Variants in FBXL7 observed in about 807,000 individuals in gnomAD.
The protein encoded by FBXL7 is F-box/LRR-repeat protein 7.
Under a neutral mutation model 38.3 loss-of-function variants are expected in FBXL7, and 12 were observed. The observed-to-expected ratio is 0.31, with a 90% CI of 0.20 to 0.51. The LOEUF (loss-of-function observed/expected upper bound fraction) is 0.51. Among genes scored for constraint, FBXL7 ranks in the 20% least tolerant of loss-of-function variants. The pLI, the probability that FBXL7 is intolerant of heterozygous loss-of-function variation, is 0.98. For missense variants in FBXL7, 567 were observed against 676.4 expected (o/e 0.84, Z 1.79); for synonymous variants, 297 against 300.9 (o/e 0.99, Z 0.13).
chr5:15,569,950 A>G (rs1738718658), intron 1 of FBXL7, among the ~76,000 whole-genome samples: 1 of 152,152 alleles, frequency 6.6e-6, no homozygotes, highest in Admixed American at 6.5e-5. Context: ...CCACTTGATC[A>G]TGGTGGATAA....
intron 2 of FBXL7, among the ~76,000 whole-genome samples, chr5:15,731,882 C>A (rs1735593822): frequency 6.6e-6 from 1 of 152,166 alleles, no homozygotes; most frequent in African/African-American, 2.4e-5. Flanking sequence ...GTTCCTTGGA[C>A]TACATGGATC....
intron 2 of FBXL7, among the ~76,000 whole-genome samples, chr5:15,696,403 T>G (rs2126628420): frequency 6.6e-6 from 1 of 152,332 alleles, no homozygotes; most frequent in South Asian, 2.1e-4. Flanking sequence ...TCTAGACATA[T>G]CCTAGGATTT....
At chr5:15,925,421 T>C (rs1741855603) in intron 2 of FBXL7, among the ~76,000 whole-genome samples, 1 of 152,186 alleles carries the variant, frequency 6.6e-6, no homozygotes, top group Non-Finnish European at 1.5e-5. Flanking sequence ...ACAGCGTGGA[T>C]GCACATAAGC....
intron 2 of FBXL7, among the ~76,000 whole-genome samples, chr5:15,783,497 TGAG>T (rs1737053478): frequency 6.6e-6 from 1 of 151,908 alleles, no homozygotes; most frequent in South Asian, 2.1e-4. Flanking sequence ...ATGACAGCAA[TGAG>T]GAGGAGAGAG....
chr5:15,770,509 C>A (rs1016136266), intron 2 of FBXL7, among the ~76,000 whole-genome samples: 1 of 152,060 alleles, frequency 6.6e-6, no homozygotes, highest in Admixed American at 6.6e-5. Context: ...AGGCAGAGCC[C>A]AAGAAAGCTG....
chr5:15,898,262 T>A (rs941999340), intron 2 of FBXL7, among the ~76,000 whole-genome samples: 1 of 152,170 alleles, frequency 6.6e-6, no homozygotes, highest in Admixed American at 6.5e-5. Flanking sequence ...AGCTACTCAT[T>A]TCTGGTGGGA....
At chr5:15,618,786 A>AG (rs1740532011) in intron 2 of FBXL7, among the ~76,000 whole-genome samples, 1 of 152,178 alleles carries the variant, frequency 6.6e-6, no homozygotes, top group South Asian at 2.1e-4. Context: ...AGTTACCCCA[A>AG]ATTACCAGCG....
In FBXL7 at chr5:15,741,128, A is replaced by T. The variant is rs543207063; in HGVS notation, c.127+125056A>T. On this transcript the variant is annotated intron_variant, in intron 2 of 3. Transcript: ENST00000504595. The stretch of plus-strand genomic sequence containing the variant: ...GCACAAGGCTAAAGGTGATTTTATT[A>T]AAATTCATTATAGAAAATCTTTATA... Among the ~76,000 whole-genome samples, 4 of 152,328 alleles carry T rather than the reference A, an allele frequency of 2.6e-5. No homozygotes were observed. The South Asian group carries it at 8.3e-4, about 32-fold the overall frequency.
chr5:15,510,148 G>T (rs994480699), intron 1 of FBXL7, among the ~76,000 whole-genome samples: 2 of 152,202 alleles, frequency 1.3e-5, no homozygotes, highest in African/African-American at 4.8e-5. Context: ...TGTTAGCACT[G>T]CGTGAACTCA....
At chr5:15,604,846 C>G (rs2126499750) in intron 1 of FBXL7, among the ~76,000 whole-genome samples, 1 of 152,144 alleles carries the variant, frequency 6.6e-6, no homozygotes, top group East Asian at 1.9e-4. Flanking sequence ...TCTGGCCTTT[C>G]CCACAGAGAA....
chr5:15,615,618 A>C (rs114759690), intron 1 of FBXL7, among the ~76,000 whole-genome samples: 1,818 of 152,330 alleles, frequency 0.012, 44 homozygotes, highest in African/African-American at 0.042. Flanking sequence ...TTACTGAGAA[A>C]TGCATAATTT....
At chr5:15,677,037 A>T (rs1742679292) in intron 2 of FBXL7, among the ~76,000 whole-genome samples, 1 of 152,236 alleles carries the variant, frequency 6.6e-6, no homozygotes, top group African/African-American at 2.4e-5. Context: ...TGGAAATACA[A>T]ACAAACCTCT....
At chr5:15,688,551 C>T (rs147224442) in intron 2 of FBXL7, among the ~76,000 whole-genome samples, 1 of 152,274 alleles carries the variant, frequency 6.6e-6, no homozygotes, top group East Asian at 1.9e-4. Context: ...GTAACTCAAA[C>T]CATGCTCTTG....
chr5:15,914,649 A>G (rs1354235025), intron 2 of FBXL7, among the ~76,000 whole-genome samples: 1 of 152,232 alleles, frequency 6.6e-6, no homozygotes, highest in Non-Finnish European at 1.5e-5. Context: ...TTGATAAATC[A>G]CAGAAATGTT....
chr5:15,917,416 G>A lies in FBXL7; in HGVS notation c.128-10474G>A, dbSNP rs79378543. 2.1e-4 allele frequency among the ~76,000 whole-genome samples: 32 copies of A among 152,208 alleles called. No individual in the cohort carries two copies. The East Asian group carries it at 5.4e-3, about 26-fold the overall frequency. On this transcript the variant is annotated intron_variant, in intron 2 of 3. Transcript: ENST00000504595. ...ACTTGAGCCCAGGAGTTCAGGACATGGGAAATATAGCAAGATCTCATCTCT... is the reference window on the plus strand; with the variant it reads ...ACTTGAGCCCAGGAGTTCAGGACATAGGAAATATAGCAAGATCTCATCTCT...
At chr5:15,869,120 C>A (rs1189664159) in intron 2 of FBXL7, among the ~76,000 whole-genome samples, 2 of 152,162 alleles carry the variant, frequency 1.3e-5, no homozygotes, top group African/African-American at 4.8e-5. Context: ...ACATAAGCTT[C>A]TCATTAAAAT....
intron 1 of FBXL7, among the ~76,000 whole-genome samples, chr5:15,524,700 T>C (rs1021452075): frequency 6.6e-6 from 1 of 152,232 alleles, no homozygotes; most frequent in African/African-American, 2.4e-5. Context: ...TACTGACACA[T>C]TGAATTTTAT....
At chr5:15,630,271 A>G (rs1740955804) in intron 2 of FBXL7, among the ~76,000 whole-genome samples, 1 of 152,168 alleles carries the variant, frequency 6.6e-6, no homozygotes, top group South Asian at 2.1e-4. Flanking sequence ...GAAAAATGTT[A>G]TTCCTTCCTC....
chr5:15,774,159 T>C (rs142426044), intron 2 of FBXL7, among the ~76,000 whole-genome samples: 34 of 152,242 alleles, frequency 2.2e-4, no homozygotes, highest in Admixed American at 5.2e-4. Context: ...GATTTTTTTT[T>C]CAGCTTCCAG....
Sources: gnomAD v4.1 joint callset for allele counts (sites outside exome capture counted in the v4.1 genomes callset) on GRCh38, gnomAD v4.1.1 for gene constraint, MANE v1.5 for transcripts, NCBI Gene and HGNC (gene_info 2026-07-23, HGNC 2026-07-21) for gene names.